Variants in MTCL1 observed in about 807,000 individuals in gnomAD.
MTCL1 encodes microtubule cross-linking factor 1.
MTCL1 carries 79 observed loss-of-function variants against 141.4 expected under a neutral mutation model. The ratio of observed to expected loss-of-function variants is 0.56; its 90% confidence interval spans 0.47 to 0.67. MTCL1 has a LOEUF of 0.67. Ranked by LOEUF, MTCL1 falls within the 30% of genes least tolerant of loss-of-function variation. MTCL1 has a pLI of 0.00. For synonymous variants in MTCL1, 914 were observed against 875.8 expected (o/e 1.04, Z -0.77); for missense variants, 2,177 against 2,113.9 (o/e 1.03, Z -0.59).
intron 4 of MTCL1, among the ~76,000 whole-genome samples, chr18:8,738,537 G>A (rs1029932062): frequency 3.3e-5 from 5 of 152,198 alleles, no homozygotes; most frequent in African/African-American, 1.2e-4. Flanking sequence ...GAGAGATTTG[G>A]AGGTCCAGTT....
At chr18:8,735,019 G>A (rs943346924) in intron 4 of MTCL1, among the ~76,000 whole-genome samples, 2 of 152,128 alleles carry the variant, frequency 1.3e-5, no homozygotes, top group Admixed American at 6.5e-5. Flanking sequence ...ATGAGGCTTC[G>A]GAGTCACTTG....
chr18:8,746,773 T>G (rs750768331), intron 4 of MTCL1, among the ~76,000 whole-genome samples: 8 of 152,096 alleles, frequency 5.3e-5, no homozygotes, highest in Admixed American at 2.6e-4. Flanking sequence ...GGATGTGGAT[T>G]ATGGATGTGG....
intron 4 of MTCL1, among the ~76,000 whole-genome samples, chr18:8,772,668 CAT>C (rs139019770): frequency 0.01 from 1,512 of 150,992 alleles, 18 homozygotes; most frequent in African/African-American, 0.035. Flanking sequence ...ATGTATATAA[CAT>C]AAAAAGTATG....
chr18:8,766,009 G>A (rs2096457953), intron 4 of MTCL1, among the ~76,000 whole-genome samples: 1 of 152,154 alleles, frequency 6.6e-6, no homozygotes, highest in African/African-American at 2.4e-5. Context: ...TCTGAATAAT[G>A]CACACATTCA....
intron 4 of MTCL1, among the ~76,000 whole-genome samples, chr18:8,747,246 T>G (rs1005135287): frequency 5.9e-5 from 9 of 152,208 alleles, no homozygotes; most frequent in Admixed American, 4.6e-4. Context: ...GCTTATTCTT[T>G]CACAGCAGTG....
At chr18:8,748,404 A>G (rs2096352389) in intron 4 of MTCL1, among the ~76,000 whole-genome samples, 1 of 152,166 alleles carries the variant, frequency 6.6e-6, no homozygotes, top group Non-Finnish European at 1.5e-5. Context: ...TTAGCCAGGC[A>G]TGGTGGCATG....
chr18:8,826,020 T>C, exon 15 of MTCL1: 1 of 1,610,048 alleles, frequency 6.2e-7, no homozygotes, highest in Non-Finnish European at 8.5e-7. Context: ...GTCAGAGATG[T>C]GCAGGGAGGA....
chr18:8,727,045 A>G (rs1166811050), intron 4 of MTCL1, among the ~76,000 whole-genome samples: 3 of 152,212 alleles, frequency 2.0e-5, no homozygotes, highest in Non-Finnish European at 4.4e-5. Flanking sequence ...AAGTGAGAAC[A>G]TGCAGTATTG....
intron 4 of MTCL1, among the ~76,000 whole-genome samples, chr18:8,739,501 T>C (rs1457577830): frequency 6.6e-6 from 1 of 152,190 alleles, no homozygotes; most frequent in Non-Finnish European, 1.5e-5. Flanking sequence ...ATTCTTCTTT[T>C]CATGTTAATA....
At chr18:8,797,818 C>T (rs1424851137) in intron 9 of MTCL1, among the ~76,000 whole-genome samples, 3 of 152,174 alleles carry the variant, frequency 2.0e-5, no homozygotes, top group Admixed American at 2.0e-4. Context: ...CCTCCTTTAA[C>T]TTATAAAACC....
At chr18:8,789,385 G>A in intron 7 of MTCL1, 1 of 983,358 alleles carries the variant, frequency 1.0e-6, no homozygotes, top group South Asian at 4.7e-5. Flanking sequence ...TGTCCTAATA[G>A]AGGAGTAGCA....
At chr18:8,796,546 A>C in intron 9 of MTCL1, 84 bp downstream of exon 8, 1 of 1,292,862 alleles carries the variant, frequency 7.7e-7, no homozygotes, top group Non-Finnish European at 1.1e-6. Context: ...CACCCTACAC[A>C]CAGTCATGTT....
At chr18:8,818,053 C>T (rs1025344897) in intron 12 of MTCL1, among the ~76,000 whole-genome samples, 1 of 152,180 alleles carries the variant, frequency 6.6e-6, no homozygotes, top group Non-Finnish European at 1.5e-5. Context: ...GCCACCTCCA[C>T]GAAATCTCCA....
chr18:8,796,589 T>A (rs2075929806), intron 9 of MTCL1, 127 bp downstream of exon 8: 1 of 971,620 alleles, frequency 1.0e-6, no homozygotes, highest in African/African-American at 1.7e-5. Flanking sequence ...TTGGTTAACA[T>A]CTAATATTGC....
chr18:8,831,640 G>C (rs1212642484), exon 17 of MTCL1: 13 of 1,550,308 alleles, frequency 8.4e-6, no homozygotes, highest in African/African-American at 2.7e-5. Flanking sequence ...TCCATCCCTA[G>C]AGCCCTGCTT....
At chr18:8,730,895 C>T (rs1024837457) in intron 4 of MTCL1, among the ~76,000 whole-genome samples, 4 of 152,192 alleles carry the variant, frequency 2.6e-5, no homozygotes, top group African/African-American at 7.2e-5. Context: ...TTTACCTACA[C>T]GTTAGAATGG....
chr18:8,809,303 G>T, intron 11 of MTCL1: 1 of 991,760 alleles, frequency 1.0e-6, no homozygotes, highest in Non-Finnish European at 1.4e-6. Context: ...CATCTTTATG[G>T]TCACTAACTT....
In MTCL1 at chr18:8,830,675, C is replaced by T. The variant is rs548110440; in HGVS notation, c.*19-932C>T. ...CTTCCTGTGCCTTCCATTCAGTTCA[C>T]CTCAAGCTTCCAGTGTCTGAGTGTC... On this transcript the variant is annotated intron_variant, in intron 16 of 16. Transcript: ENST00000359865. This position sits in a 1 kb window ranked among gnomAD's most constrained non-coding sequence, Gnocchi z 6.4. The T allele has an allele frequency of 5.7e-5, 56 of 985,372 alleles. No individual in the cohort carries two copies. Among genetic ancestry groups the T allele is most frequent in the Non-Finnish European group, 6.5e-5 (54 of 829,964 alleles). 61.0% of individuals were successfully genotyped at this position (985,372 alleles called of 1,614,324 possible). A position where few individuals can be genotyped will look rare whatever the true frequency, so the allele number is the denominator to read the frequency against.
chr18:8,815,751 A>T (rs2076635100), intron 12 of MTCL1, among the ~76,000 whole-genome samples: 1 of 152,026 alleles, frequency 6.6e-6, no homozygotes, highest in African/African-American at 2.4e-5. Context: ...CTCCAATTCC[A>T]GGTTATCAGT....
Sources: allele counts gnomAD v4.1 joint callset (sites outside exome capture counted in the v4.1 genomes callset), GRCh38; gene constraint gnomAD v4.1.1; non-coding constraint Gnocchi (gnomAD v3.1); transcripts MANE v1.5; gene names NCBI Gene and HGNC (gene_info 2026-07-23, HGNC 2026-07-21).